The following ASIC2 variants were observed in gnomAD, a reference collection of about 807,000 sequenced individuals.
ASIC2 encodes the protein acid sensing ion channel subunit 2, also known as acid-sensing ion channel 2.
In ASIC2, 25 loss-of-function variants were observed where a neutral mutation model predicts 57.3. The ratio of observed to expected loss-of-function variants is 0.44; its 90% CI spans 0.32 to 0.61. The LOEUF (loss-of-function observed/expected upper bound fraction) is 0.61, where lower values mean the gene tolerates loss of function less well. Ranked by LOEUF, ASIC2 falls within the 20% of genes least tolerant of loss-of-function variation. The pLI, the probability that ASIC2 is intolerant of heterozygous loss-of-function variation, is 0.06. For synonymous variants in ASIC2, 319 were observed against 307.5 expected, an observed-to-expected ratio of 1.04 and a Z score of -0.39; for missense variants, 641 against 738.1, an observed-to-expected ratio of 0.87 and a Z score of 1.52.
At chr17:33,525,064 C>T (rs1320353592) in intron 1 of ASIC2, among the ~76,000 whole-genome samples, 2 of 152,140 alleles carry the variant, frequency 1.3e-5, no homozygotes, top group East Asian at 1.9e-4. Flanking sequence ...CCCCCATCAC[C>T]GATACCTGTG....
chr17:33,759,199 G>A (rs1910704021), intron 1 of ASIC2, among the ~76,000 whole-genome samples: 1 of 152,216 alleles, frequency 6.6e-6, no homozygotes, highest in Non-Finnish European at 1.5e-5. Flanking sequence ...GGAAACTGGA[G>A]TAAAGGCCAT....
At chr17:33,792,893 C>A (rs1421666371) in intron 1 of ASIC2, 2 of 152,218 alleles carry the variant, frequency 1.3e-5, no homozygotes, top group East Asian at 1.9e-4. Flanking sequence ...CATCTCCATG[C>A]ACTTGTTTTC....
chr17:34,043,389 GA>G (rs947613789), intron 1 of ASIC2, among the ~76,000 whole-genome samples: 5 of 152,214 alleles, frequency 3.3e-5, no homozygotes, highest in African/African-American at 1.2e-4. Flanking sequence ...ATGGAGGGGG[GA>G]TGGGAAGCAG....
chr17:33,314,960 T>A (rs568507651), intron 1 of ASIC2, among the ~76,000 whole-genome samples: 1 of 152,246 alleles, frequency 6.6e-6, no homozygotes, highest in South Asian at 2.1e-4. Flanking sequence ...TTCAAAGGGA[T>A]TAAGGAAATT....
intron 9 of ASIC2, among the ~76,000 whole-genome samples, chr17:33,014,875 G>C (rs573929130): frequency 6.6e-6 from 1 of 152,150 alleles, no homozygotes; most frequent in African/African-American, 2.4e-5. Flanking sequence ...CTGCTTTGCC[G>C]GCAGGATCTC....
chr17:34,064,375 C>T (rs1375308691), intron 1 of ASIC2, among the ~76,000 whole-genome samples: 3 of 152,170 alleles, frequency 2.0e-5, no homozygotes, highest in African/African-American at 7.2e-5. Flanking sequence ...CAAAAATCAA[C>T]TCAAGTTGGA....
At chr17:33,513,074 G>A (rs1914473394) in intron 1 of ASIC2, among the ~76,000 whole-genome samples, 1 of 152,186 alleles carries the variant, frequency 6.6e-6, no homozygotes, top group South Asian at 2.1e-4. Context: ...GAATTTTCAA[G>A]CTAAATTTTA....
intron 1 of ASIC2, among the ~76,000 whole-genome samples, chr17:33,388,867 C>T (rs1486915733): frequency 6.6e-6 from 1 of 152,232 alleles, no homozygotes; most frequent in African/African-American, 2.4e-5. Flanking sequence ...AGGCTGCTTC[C>T]AACTTGCAAG....
chr17:33,725,116 C>T (rs1181204499), intron 1 of ASIC2, among the ~76,000 whole-genome samples: 1 of 152,200 alleles, frequency 6.6e-6, no homozygotes, highest in East Asian at 1.9e-4. Context: ...CTGTGGTGCC[C>T]TCTGCTTCAG....
Position 34,041,629 on chromosome 17 carries a change from T to C in ASIC2, c.555+114349A>G, listed in dbSNP as rs28553268. Reference sequence around the variant, plus strand: ...AGAGAAGTAAATACTATAACAAATGTAGAAATACATAGCACACACTAACCC... The same window carrying C: ...AGAGAAGTAAATACTATAACAAATGCAGAAATACATAGCACACACTAACCC... On this transcript the variant is annotated intron_variant, in intron 1 of 9. Coordinates refer to the ASIC2 transcript ENST00000359872. Among the ~76,000 whole-genome samples, 1,379 of 152,322 alleles carry C rather than the reference T, an allele frequency of 9.1e-3. 18 individuals carry two copies. Among genetic ancestry groups the C allele is most frequent in the African/African-American group, 0.031 (1,285 of 41,562 alleles).
intron 3 of ASIC2, among the ~76,000 whole-genome samples, chr17:33,048,101 T>C (rs1417473120): frequency 1.3e-5 from 2 of 151,992 alleles, no homozygotes; most frequent in South Asian, 2.1e-4. Flanking sequence ...GCTCTTTCTC[T>C]CTCCACGTGA....
intron 1 of ASIC2, among the ~76,000 whole-genome samples, chr17:33,211,547 A>C (rs1389222902): frequency 6.6e-6 from 1 of 151,968 alleles, no homozygotes; most frequent in Admixed American, 6.5e-5. Flanking sequence ...AAAAAAAAAA[A>C]AAAAAATCAA....
chr17:33,438,828 A>AATAATG (rs1567861359), intron 1 of ASIC2, among the ~76,000 whole-genome samples: 2 of 151,494 alleles, frequency 1.3e-5, no homozygotes, highest in African/African-American at 4.9e-5. Context: ...GGGGTGGAGA[A>AATAATG]ATAATGATGG....
chr17:33,695,712 C>T (rs1275375361), intron 1 of ASIC2, among the ~76,000 whole-genome samples: 1 of 152,106 alleles, frequency 6.6e-6, no homozygotes, highest in Non-Finnish European at 1.5e-5. Flanking sequence ...CACAACATAA[C>T]CTCACAGATA....
chr17:33,342,720 C>A (rs373715691), intron 1 of ASIC2, among the ~76,000 whole-genome samples: 1 of 152,146 alleles, frequency 6.6e-6, no homozygotes, highest in East Asian at 1.9e-4. Context: ...GCAGCCTCAT[C>A]GGATCACTTT....
intron 1 of ASIC2, among the ~76,000 whole-genome samples, chr17:33,369,744 T>C (rs1195858277): frequency 1.3e-5 from 2 of 152,170 alleles, no homozygotes; most frequent in Non-Finnish European, 2.9e-5. Flanking sequence ...CCAACTCAGA[T>C]TTTTCCGGTG....
At chr17:33,673,962 C>T (rs890074020) in intron 1 of ASIC2, among the ~76,000 whole-genome samples, 1 of 150,270 alleles carries the variant, frequency 6.7e-6, no homozygotes, top group East Asian at 1.9e-4. Context: ...GGTGCCATCT[C>T]GGCTCAGTGC....
chr17:33,147,743 T>C (rs1029344013), intron 1 of ASIC2, among the ~76,000 whole-genome samples: 3 of 152,192 alleles, frequency 2.0e-5, no homozygotes, highest in African/African-American at 7.2e-5. Context: ...TCAGCTGGCA[T>C]GCAGGGGAAG....
At chr17:33,479,287 C>A (rs1913325881) in intron 1 of ASIC2, among the ~76,000 whole-genome samples, 4 of 152,158 alleles carry the variant, frequency 2.6e-5, no homozygotes, top group Admixed American at 2.6e-4. Context: ...GCATGAGCCA[C>A]CACGTCCGGC....
Sources: gnomAD v4.1 joint callset for allele counts (sites outside exome capture counted in the v4.1 genomes callset) on GRCh38, gnomAD v4.1.1 for gene constraint, MANE v1.5 for transcripts, NCBI Gene and HGNC (gene_info 2026-07-23, HGNC 2026-07-21) for gene names.